USP34: variants seen among roughly 807,000 people sequenced by gnomAD.
USP34 encodes the protein ubiquitin specific peptidase 34.
In USP34, 70 loss-of-function variants were observed where a neutral mutation model predicts 460.3. The ratio of observed to expected loss-of-function variants is 0.15; its 90% CI spans 0.13 to 0.19. The LOEUF (loss-of-function observed/expected upper bound fraction) is 0.19, where lower values mean the gene tolerates loss of function less well. USP34 is among the 10% of genes least tolerant of loss of function. The pLI is 1.00. For synonymous variants in USP34, 1,647 were observed against 1,405.3 expected (o/e 1.17, Z -3.85); for missense variants, 3,985 against 4,236.2 (o/e 0.94, Z 1.65).
chr2:61,321,951 G>A (rs987362030), intron 21 of USP34, among the ~76,000 whole-genome samples: 2 of 152,130 alleles, frequency 1.3e-5, no homozygotes, highest in Non-Finnish European at 2.9e-5. Flanking sequence ...AAAGGAGGCC[G>A]GGCACGGTGG....
At chr2:61,400,266 C>A (rs576304036) in intron 3 of USP34, among the ~76,000 whole-genome samples, 2 of 152,090 alleles carry the variant, frequency 1.3e-5, no homozygotes, top group African/African-American at 4.8e-5. Context: ...CCCGCCACCA[C>A]GCTTGGCTAA....
chr2:61,288,255 T>G (rs1280446583), intron 34 of USP34, among the ~76,000 whole-genome samples: 1 of 152,200 alleles, frequency 6.6e-6, no homozygotes, highest in Non-Finnish European at 1.5e-5. Context: ...TCCCTAATGT[T>G]CCACAAGATC....
intron 18 of USP34, among the ~76,000 whole-genome samples, chr2:61,336,826 A>T (rs1691433741): frequency 6.6e-6 from 1 of 151,570 alleles, no homozygotes; most frequent in Non-Finnish European, 1.5e-5. Context: ...AAAAAAAAAA[A>T]AAAAAAGCAA....
intron 8 of USP34, among the ~76,000 whole-genome samples, chr2:61,378,105 T>C (rs1158940631): frequency 6.6e-6 from 1 of 152,010 alleles, no homozygotes; most frequent in Non-Finnish European, 1.5e-5. Context: ...CCTGGGAACT[T>C]GAGGCTGTAG....
chr2:61,421,795 ACACGCGCG>A (rs1694365879), intron 1 of USP34, among the ~76,000 whole-genome samples: 1 of 143,476 alleles, frequency 7.0e-6, no homozygotes, highest in African/African-American at 2.5e-5. Context: ...ACACACACAC[ACACGCGCG>A]CGCGCGCACC....
Position 61,470,763 on chromosome 2 carries a change from G to T in USP34, c.-71C>A. 1 of 1,381,474 alleles carries T rather than the reference G, an allele frequency of 7.2e-7. No homozygotes were observed. The highest frequency in any genetic ancestry group is 1.0e-6 in the Non-Finnish European group (1 of 998,308). The allele number at this position is 1,381,474 out of a possible 1,614,324, so 85.6% of individuals were successfully genotyped here. ...CTGATCCCGACCGGCGGGGGGGAGG[G>T]GAGAGAGGCGGAGGAGGGGGCCGGC... On this transcript the variant is annotated 5_prime_UTR_variant, in exon 1 of 80. Transcript: ENST00000398571.
chr2:61,407,786 G>C (rs1228119239), intron 2 of USP34, among the ~76,000 whole-genome samples: 1 of 152,098 alleles, frequency 6.6e-6, no homozygotes, highest in African/African-American at 2.4e-5. Flanking sequence ...CTAAAGAGGA[G>C]ACCACATGAG....
intron 3 of USP34, among the ~76,000 whole-genome samples, chr2:61,399,545 A>C (rs1693646715): frequency 6.6e-6 from 1 of 151,974 alleles, no homozygotes; most frequent in Admixed American, 6.6e-5. Context: ...TAAAAAAAAC[A>C]CTAAGAACAA....
intron 35 of USP34, 78 bp downstream of exon 35, chr2:61,284,797 G>C: frequency 8.4e-7 from 1 of 1,193,610 alleles, no homozygotes; most frequent in South Asian, 1.9e-5. Flanking sequence ...ATTAAGTTTA[G>C]AATTTTTCAA....
chr2:61,202,605 TTC>T (rs927858646), intron 75 of USP34, among the ~76,000 whole-genome samples: 1 of 152,190 alleles, frequency 6.6e-6, no homozygotes, highest in Non-Finnish European at 1.5e-5. Flanking sequence ...TGGTTTTGTT[TTC>T]TGTTTCTCAT....
chr2:61,200,960 T>A (rs1320857633), intron 75 of USP34, among the ~76,000 whole-genome samples: 2 of 152,080 alleles, frequency 1.3e-5, no homozygotes, highest in African/African-American at 2.4e-5. Context: ...AAGAACTTTG[T>A]ATCTAAGACA....
chr2:61,399,597 C>A (rs1437064827), intron 3 of USP34, among the ~76,000 whole-genome samples: 2 of 151,612 alleles, frequency 1.3e-5, no homozygotes, highest in Non-Finnish European at 2.9e-5. Flanking sequence ...CGGTCCCGGG[C>A]GCGGTGGCTC....
At chr2:61,372,254 C>T (rs926285717) in intron 8 of USP34, among the ~76,000 whole-genome samples, 1 of 151,892 alleles carries the variant, frequency 6.6e-6, no homozygotes, top group East Asian at 1.9e-4. Flanking sequence ...AGGACTTACA[C>T]ATATGGACCT....
intron 1 of USP34, among the ~76,000 whole-genome samples, chr2:61,450,447 A>G (rs1013610810): frequency 1.3e-5 from 2 of 152,176 alleles, no homozygotes; most frequent in Non-Finnish European, 2.9e-5. Context: ...TGTGGTTTAC[A>G]AGTGGCAAAA....
chr2:61,227,293 T>C (rs763862238), intron 61 of USP34, 75 bp from the exon 62 acceptor site: 6 of 1,502,846 alleles, frequency 4.0e-6, no homozygotes, highest in Non-Finnish European at 5.4e-6. Context: ...ACTTGTTTTA[T>C]GTAACAGTGT....
At chr2:61,396,003 G>A (rs377502489) in intron 3 of USP34, among the ~76,000 whole-genome samples, 1 of 150,292 alleles carries the variant, frequency 6.7e-6, no homozygotes, top group African/African-American at 2.5e-5. Flanking sequence ...GTTGCAGTGA[G>A]CTGAAATCAC....
rs540484241 is a variant in USP34 at position 61,454,691 on chromosome 2, A to AG, written c.43+15958dup. 2.1e-4 allele frequency among the ~76,000 whole-genome samples: 32 copies of AG among 151,828 alleles called. 1 individual carries two copies. The South Asian group carries it at 5.2e-3, about 25-fold the overall frequency. On this transcript the variant is annotated intron_variant, in intron 1 of 79. Coordinates refer to ENST00000398571, the MANE Select transcript of USP34 (RefSeq NM_014709.4). Reference sequence around the variant, plus strand: ...CAGCCTCCCGAGTAGCCAAGATTACAGGGGCCCACCACCACACCCAGCTTA... The same window carrying AG: ...CAGCCTCCCGAGTAGCCAAGATTACAGGGGGCCCACCACCACACCCAGCTTA...
chr2:61,398,542 G>GCGGGGAAGGAGGCGGAAC (rs1693612116), intron 3 of USP34, among the ~76,000 whole-genome samples: 2 of 117,492 alleles, frequency 1.7e-5, no homozygotes, highest in Non-Finnish European at 3.6e-5. Flanking sequence ...GGAGGCGGAA[G>GCGGGGAAGGAGGCGGAAC]CGGGGGAAGG....
chr2:61,299,000 C>T (rs1690135921), intron 29 of USP34, among the ~76,000 whole-genome samples: 2 of 151,974 alleles, frequency 1.3e-5, no homozygotes. Context: ...AATTTTTGTC[C>T]CCCTCCTCAC....
Sources: allele counts gnomAD v4.1 joint callset (sites outside exome capture counted in the v4.1 genomes callset), GRCh38; gene constraint gnomAD v4.1.1; transcripts MANE v1.5; gene names NCBI Gene and HGNC (gene_info 2026-07-23, HGNC 2026-07-21).